Variants in ARHGEF28 observed in about 807,000 individuals in gnomAD.
ARHGEF28 encodes Rho guanine nucleotide exchange factor 28, also known as 190 kDa guanine nucleotide exchange factor.
Under a neutral mutation model 206.6 loss-of-function variants are expected in ARHGEF28, and 152 were observed. The observed-to-expected ratio is 0.74, with a 90% CI of 0.64 to 0.84. The LOEUF (loss-of-function observed/expected upper bound fraction) is 0.84, where lower values mean the gene tolerates loss of function less well. ARHGEF28 is among the 40% of genes least tolerant of loss of function. ARHGEF28 has a pLI of 0.00. For synonymous variants in ARHGEF28, 763 were observed against 776.4 expected (o/e 0.98, Z 0.29); for missense variants, 2,028 against 2,073.2 (o/e 0.98, Z 0.42).
chr5:73,697,117 C>T (rs972622433), intron 2 of ARHGEF28, among the ~76,000 whole-genome samples: 14 of 152,260 alleles, frequency 9.2e-5, no homozygotes, highest in Non-Finnish European at 1.8e-4. Flanking sequence ...GAAGTCTTTT[C>T]GAGGTAGACA....
intron 28 of ARHGEF28, 187 bp downstream of exon 28, chr5:73,893,475 C>T (rs1309496315): frequency 2.3e-6 from 1 of 431,088 alleles, no homozygotes; most frequent in Non-Finnish European, 4.1e-6. Flanking sequence ...TTCACTTCCA[C>T]CTTAGTGATT....
intron 2 of ARHGEF28, among the ~76,000 whole-genome samples, chr5:73,697,713 C>T (rs12514864): frequency 0.4 from 61,309 of 152,020 alleles, 13,593 homozygotes; most frequent in East Asian, 0.67. Context: ...CAACCACATG[C>T]GGATTAAATT....
intron 35 of ARHGEF28, among the ~76,000 whole-genome samples, chr5:73,921,092 G>T (rs542183063): frequency 8.5e-5 from 13 of 152,138 alleles, no homozygotes; most frequent in African/African-American, 2.9e-4. Context: ...ATCTCCCCAG[G>T]CAAAAACAAT....
chr5:73,938,931 CT>C (rs200516722), intron 35 of ARHGEF28, among the ~76,000 whole-genome samples: 9,002 of 120,384 alleles, frequency 0.075, 506 homozygotes, highest in African/African-American at 0.19. Flanking sequence ...ATTAATATGT[CT>C]TTTTTTTTTT....
chr5:73,753,255 T>C, intron 4 of ARHGEF28, 53 bp downstream of exon 4: 2 of 1,491,130 alleles, frequency 1.3e-6, no homozygotes, highest in South Asian at 2.8e-5. Flanking sequence ...AAGTTCAGAA[T>C]GTACCTTATG....
intron 10 of ARHGEF28, 121 bp downstream of exon 10, chr5:73,832,580 A>T (rs1254554866): frequency 2.2e-6 from 3 of 1,352,274 alleles, no homozygotes; most frequent in Non-Finnish European, 3.0e-6. Flanking sequence ...AGCAAAGAGG[A>T]TGCTGTTGTG....
At chr5:73,892,569 T>C (rs1761711939) in intron 27 of ARHGEF28, among the ~76,000 whole-genome samples, 2 of 152,242 alleles carry the variant, frequency 1.3e-5, no homozygotes, top group Non-Finnish European at 2.9e-5. Context: ...GCTTCTTATA[T>C]ACTGCCTTGT....
intron 2 of ARHGEF28, among the ~76,000 whole-genome samples, chr5:73,737,487 C>CTTTTCTT (rs1751042260): frequency 8.4e-6 from 1 of 118,602 alleles, no homozygotes; most frequent in African/African-American, 4.1e-5. Flanking sequence ...CTTTTCTTTT[C>CTTTTCTT]TTTTCTTTTC....
intron 2 of ARHGEF28, among the ~76,000 whole-genome samples, chr5:73,687,959 T>G (rs1394404139): frequency 6.6e-6 from 1 of 152,168 alleles, no homozygotes; most frequent in Non-Finnish European, 1.5e-5. Flanking sequence ...CTCTTAATTT[T>G]GGTGACTTTA....
intron 2 of ARHGEF28, among the ~76,000 whole-genome samples, chr5:73,738,622 C>T (rs1355695810): frequency 6.6e-6 from 1 of 151,870 alleles, no homozygotes; most frequent in Non-Finnish European, 1.5e-5. Context: ...GAACTGTCTC[C>T]AGCTTTTATA....
At position 73,893,247 on chromosome 5, in the gene ARHGEF28, G is replaced by A. The variant is rs1761758501; in HGVS notation, c.3617G>A (p.Arg1206Lys). 1.9e-6 allele frequency: 3 copies of A among 1,560,320 alleles called. No homozygotes were observed. The highest frequency in any genetic ancestry group is 2.6e-6 in the Non-Finnish European group (3 of 1,152,354). Residue 1206 changes from arginine (R) to lysine (K), a missense_variant, in exon 28 of 36, where the codon AGG (arginine) becomes AAG (lysine). Arg to Lys is a conservative substitution (Grantham distance 26). This residue lies in a region of ARHGEF28 where 803 missense variants were observed against 768.0 expected (regional missense o/e 1.05). Coordinates refer to ENST00000513042, the MANE Select transcript of ARHGEF28 (RefSeq NM_001177693.2). Reference protein sequence around the residue: ...GRTSESDEDKRKAEARVAKIQ... With the variant: ...GRTSESDEDKKKAEARVAKIQ... ...ACAAGTGAATCTGATGAAGACAAGA[G>A]GAAAGCTGAAGCCAGAGTGGCCAAA...
chr5:73,741,371 G>T (rs1751376562), intron 2 of ARHGEF28, among the ~76,000 whole-genome samples: 1 of 61,926 alleles, frequency 1.6e-5, no homozygotes, highest in African/African-American at 7.8e-5. Flanking sequence ...GTGTGTGTGT[G>T]TGTGTGTGTG....
chr5:73,626,825 C>G (rs554260413), intron 1 of ARHGEF28, among the ~76,000 whole-genome samples: 1 of 152,318 alleles, frequency 6.6e-6, no homozygotes, highest in Admixed American at 6.5e-5. Context: ...GAAGCATCTG[C>G]TGTGTTTCAA....
At chr5:73,680,184 C>T (rs555135985) in intron 1 of ARHGEF28, among the ~76,000 whole-genome samples, 2 of 152,122 alleles carry the variant, frequency 1.3e-5, no homozygotes, top group South Asian at 2.1e-4. Flanking sequence ...CCTGTAATCC[C>T]AGCCCTTTGG....
intron 9 of ARHGEF28, among the ~76,000 whole-genome samples, chr5:73,825,757 A>G (rs1756870592): frequency 6.6e-6 from 1 of 152,152 alleles, no homozygotes; most frequent in African/African-American, 2.4e-5. Flanking sequence ...GGGTGACTCC[A>G]AGGAAAGACA....
intron 35 of ARHGEF28, among the ~76,000 whole-genome samples, chr5:73,930,053 C>T (rs1764020049): frequency 6.6e-6 from 1 of 151,958 alleles, no homozygotes; most frequent in African/African-American, 2.4e-5. Context: ...CAATTTTTTC[C>T]TATTAGAAGT....
intron 2 of ARHGEF28, among the ~76,000 whole-genome samples, chr5:73,691,821 A>C (rs529682098): frequency 6.6e-6 from 1 of 152,202 alleles, no homozygotes; most frequent in South Asian, 2.1e-4. Flanking sequence ...ATTGATGGCC[A>C]TTCACTTTGT....
chr5:73,923,189 G>A (rs1188412729), intron 35 of ARHGEF28: 1 of 1,531,106 alleles, frequency 6.5e-7, no homozygotes, highest in South Asian at 1.2e-5. Context: ...GGGGTGCTTA[G>A]CCTTCTTTTA....
At position 73,736,926 on chromosome 5, in the gene ARHGEF28, C is replaced by T. The variant is rs776734549; in HGVS notation, c.34-12911C>T. On this transcript the variant is annotated intron_variant, in intron 2 of 35. Transcript: ENST00000513042. Reference sequence around the variant, plus strand: ...ACAAGGTCAGAAAAAGGAGCTCCTTCGTTTTAAAGCCATGGCTGCTTCTGC... The same window carrying T: ...ACAAGGTCAGAAAAAGGAGCTCCTTTGTTTTAAAGCCATGGCTGCTTCTGC... 6.1e-4 allele frequency among the ~76,000 whole-genome samples: 93 copies of T among 152,140 alleles called. 1 individual carries two copies. The highest frequency in any genetic ancestry group is 4.1e-4 in the South Asian group (2 of 4,822).
Sources: allele counts gnomAD v4.1 joint callset (sites outside exome capture counted in the v4.1 genomes callset), GRCh38; gene constraint gnomAD v4.1.1; regional missense constraint gnomAD v4.1.1; transcripts MANE v1.5; gene names NCBI Gene and HGNC (gene_info 2026-07-23, HGNC 2026-07-21).